The following HNF4A variants were observed in gnomAD, a reference collection of about 807,000 sequenced individuals.
The protein encoded by HNF4A is hepatocyte nuclear factor 4 alpha, also known as hepatocyte nuclear factor 4-alpha.
In HNF4A, 15 loss-of-function variants were observed where a neutral mutation model predicts 52.4. That is an observed-to-expected ratio of 0.29 (90% confidence interval 0.19 to 0.44). The LOEUF (loss-of-function observed/expected upper bound fraction) is 0.44. Ranked by LOEUF, HNF4A falls within the 20% of genes least tolerant of loss-of-function variation. The pLI, the probability that HNF4A is intolerant of heterozygous loss-of-function variation, is 1.00. For synonymous variants in HNF4A, 280 were observed against 264.4 expected (o/e 1.06, Z -0.57); for missense variants, 479 against 647.2 (o/e 0.74, Z 2.82).
At chr20:44,370,549 C>T (rs990990089) in intron 1 of HNF4A, among the ~76,000 whole-genome samples, 13 of 152,216 alleles carry the variant, frequency 8.5e-5, no homozygotes, top group African/African-American at 3.1e-4. Flanking sequence ...ATAGCAATTC[C>T]ATTATCCTCT....
chr20:44,379,614 C>T (rs997630854), intron 1 of HNF4A, among the ~76,000 whole-genome samples: 7 of 151,892 alleles, frequency 4.6e-5, no homozygotes, highest in African/African-American at 1.7e-4. Context: ...TGCAGTAGTG[C>T]AGTCTCAGCT....
intron 1 of HNF4A, among the ~76,000 whole-genome samples, chr20:44,391,095 C>T (rs184394853): frequency 8.1e-4 from 123 of 152,280 alleles, no homozygotes; most frequent in African/African-American, 2.9e-3. Flanking sequence ...ATTGCCACTT[C>T]TGCCTTGAAC....
At chr20:44,422,996 A>C (rs1320014794) in intron 7 of HNF4A, among the ~76,000 whole-genome samples, 1 of 152,072 alleles carries the variant, frequency 6.6e-6, no homozygotes, top group African/African-American at 2.4e-5. Context: ...ATAAATATTG[A>C]CTATGCATGG....
At chr20:44,355,852 C>T in exon 1 of HNF4A, 3 of 1,610,986 alleles carry the variant, frequency 1.9e-6, no homozygotes, top group Admixed American at 3.3e-5. Flanking sequence ...AGAGTTCTTA[C>T]GGTAAGTGGG....
chr20:44,428,317 G>T lies in HNF4A; in HGVS notation c.1130-18G>T, dbSNP rs773235761. 1.9e-6 allele frequency: 3 copies of T among 1,613,566 alleles called. No homozygotes were observed. The highest frequency in any genetic ancestry group is 2.5e-6 in the Non-Finnish European group (3 of 1,179,898). The stretch of plus-strand genomic sequence containing the variant: ...GCATCCCAGACTCTCCATCCTGATC[G>T]ACCTTCTCTACCTGCAGGGTCCCCC... On this transcript the variant is annotated intron_variant, in intron 8 of 9. Coordinates refer to ENST00000316099, the MANE Select transcript of HNF4A (RefSeq NM_000457.6).
At chr20:44,381,280 T>C (rs112439711) in intron 1 of HNF4A, among the ~76,000 whole-genome samples, 2 of 15,276 alleles carry the variant, frequency 1.3e-4, no homozygotes, top group African/African-American at 4.9e-4. Context: ...CAGTGAGAGC[T>C]TTTTTTTTTT....
intron 5 of HNF4A, among the ~76,000 whole-genome samples, chr20:44,417,816 A>G (rs370315823): frequency 1.3e-5 from 2 of 151,932 alleles, no homozygotes; most frequent in African/African-American, 4.8e-5. Flanking sequence ...TACTAAAAAT[A>G]AAATTAGCCA....
Position 44,413,805 on chromosome 20 carries a change from CG to C in HNF4A, c.492+9del, listed in dbSNP as rs778741742. 1.4e-5 allele frequency: 22 copies of C among 1,594,976 alleles called. No homozygotes were observed. Among genetic ancestry groups the C allele is most frequent in the Non-Finnish European group, 1.8e-5 (21 of 1,164,522 alleles). ...GCGGAGGTCCTGTCCCGACAGGTAC[CG>C]GGGTGATCCTGCCACCCACCCAGGG... On this transcript the variant is annotated splice_donor_region_variant and intron_variant, in intron 4 of 9. Transcript: ENST00000316099.
chr20:44,356,398 G>C (rs529028086), intron 1 of HNF4A, among the ~76,000 whole-genome samples: 1 of 152,272 alleles, frequency 6.6e-6, no homozygotes, highest in African/African-American at 2.4e-5. Context: ...TCAGATGCAG[G>C]GCTAGAAAGC....
rs778418332 is a variant in HNF4A at position 44,401,477 on chromosome 20, G to A, written c.105G>A (p.Thr35=). The change falls in exon 1 of 10, where the codon ACG becomes ACA. Residue 35 remains threonine (T), a synonymous_variant. Coordinates refer to ENST00000316099, the MANE Select transcript of HNF4A (RefSeq NM_000457.6). ...AATTTGAGAATGTGCAGGTGTTGAC[G>A]ATGGGCAATGGTAGGTGGGGGCAGA... 7.4e-6 allele frequency: 12 copies of A among 1,614,120 alleles called. No homozygotes were observed. Among genetic ancestry groups the A allele is most frequent in the Middle Eastern group, 1.6e-4 (1 of 6,084 alleles).
chr20:44,398,804 G>A (rs561202271), upstream of HNF4A, among the ~76,000 whole-genome samples: 6 of 152,306 alleles, frequency 3.9e-5, no homozygotes, highest in East Asian at 3.9e-4. Context: ...TTGGTTGATC[G>A]TAGACCTTAT....
intron 1 of HNF4A, among the ~76,000 whole-genome samples, chr20:44,379,086 T>C (rs898884735): frequency 6.6e-6 from 1 of 152,182 alleles, no homozygotes; most frequent in Non-Finnish European, 1.5e-5. Flanking sequence ...CCTAGCATAA[T>C]GCCCTCAGGA....
intron 1 of HNF4A, chr20:44,390,552 G>T (rs2063289775): frequency 1.4e-6 from 1 of 700,372 alleles, no homozygotes; most frequent in Admixed American, 2.0e-5. Flanking sequence ...CCCTCGCAGG[G>T]TCTGGGGTGC....
chr20:44,358,470 T>C (rs6130594), intron 1 of HNF4A, among the ~76,000 whole-genome samples: 28,170 of 151,830 alleles, frequency 0.19, 2,739 homozygotes, highest in Middle Eastern at 0.26. Flanking sequence ...ACTAGCCGGG[T>C]ATGATGGCAC....
At chr20:44,396,301 A>G (rs973716306), upstream of HNF4A, among the ~76,000 whole-genome samples, 3 of 152,184 alleles carry the variant, frequency 2.0e-5, no homozygotes, top group African/African-American at 7.2e-5. Flanking sequence ...GGTTTTTAGC[A>G]CCAGGGCTAG....
At chr20:44,362,839 T>TTC (rs1456016636) in intron 1 of HNF4A, among the ~76,000 whole-genome samples, 1 of 143,314 alleles carries the variant, frequency 7.0e-6, no homozygotes, top group African/African-American at 2.5e-5. Flanking sequence ...AATGACTCAA[T>TTC]TCTCTTTTTT....
chr20:44,429,611 C>T lies in HNF4A; in HGVS notation c.1371C>T (p.Val457=), dbSNP rs760563887. 1.9e-6 allele frequency: 3 copies of T among 1,613,974 alleles called. No individual in the cohort carries two copies. In the African/African-American group the frequency reaches 4.0e-5, roughly 22 times the overall value. Reference sequence around the variant, plus strand: ...TGCCGGGAGCCGTCGCCACAATCGTCAAGCCCCTCTCTGCCATCCCCCAGC... The same window carrying T: ...TGCCGGGAGCCGTCGCCACAATCGTTAAGCCCCTCTCTGCCATCCCCCAGC... Residue 457 remains valine (V), a synonymous_variant, in exon 10 of 10, where the codon GTC becomes GTT. Transcript: ENST00000316099.
Position 44,401,442 on chromosome 20 carries a change from A to T in HNF4A, c.70A>T (p.Thr24Ser), listed in dbSNP as rs369693799. 2 of 1,614,088 alleles carry T rather than the reference A, an allele frequency of 1.2e-6. No homozygotes were observed. The highest frequency in any genetic ancestry group is 2.7e-5 in the African/African-American group (2 of 74,920). Residue 24 changes from threonine (T) to serine (S), a missense_variant, in exon 1 of 10, where the codon ACC becomes TCC. Thr to Ser is a moderately conservative substitution (Grantham distance 58). Transcript: ENST00000316099. ...CAGTGCTGCACTGGACCCAGCCTAC[A>T]CCACCCTGGAATTTGAGAATGTGCA...
intron 1 of HNF4A, among the ~76,000 whole-genome samples, chr20:44,359,802 G>A (rs1346518183): frequency 7.0e-6 from 1 of 143,882 alleles, no homozygotes; most frequent in African/African-American, 2.5e-5. Flanking sequence ...GGAGAACAAG[G>A]TAGTTCTGGG....
Sources: gnomAD v4.1 joint callset for allele counts (sites outside exome capture counted in the v4.1 genomes callset) on GRCh38, gnomAD v4.1.1 for gene constraint, MANE v1.5 for transcripts, NCBI Gene and HGNC (gene_info 2026-07-23, HGNC 2026-07-21) for gene names.